The following RNLS variants were observed in gnomAD, a reference collection of about 807,000 sequenced individuals.
RNLS encodes renalase, FAD dependent amine oxidase, also known as renalase.
Under a neutral mutation model 39.8 loss-of-function variants are expected in RNLS, and 39 were observed. That is an observed-to-expected ratio of 0.98 (90% CI 0.76 to 1.28). The LOEUF is 1.28. Ranked by LOEUF, RNLS falls within the 50% of genes most tolerant of loss-of-function variation. The probability of loss-of-function intolerance (pLI) is 0.00; values close to 1 mark genes in which losing one functional copy is unlikely to be tolerated. For missense variants in RNLS, 410 were observed against 413.3 expected (o/e 0.99, Z 0.07); for synonymous variants, 147 against 150.7 (o/e 0.98, Z 0.18).
chr10:88,544,746 G>GA (rs1049994664), intron 4 of RNLS, among the ~76,000 whole-genome samples: 5 of 152,160 alleles, frequency 3.3e-5, no homozygotes, highest in African/African-American at 1.2e-4. Context: ...CACTCTAGGA[G>GA]ACACAACTTC....
chr10:88,423,219 T>C (rs963798814), intron 4 of RNLS, among the ~76,000 whole-genome samples: 1 of 152,234 alleles, frequency 6.6e-6, no homozygotes, highest in African/African-American at 2.4e-5. Flanking sequence ...GTACTGTTAA[T>C]GACCCTGACT....
chr10:88,244,121 G>A, the RNLS span, among the ~76,000 whole-genome samples: 7 of 152,248 alleles, frequency 4.6e-5, no homozygotes, highest in African/African-American at 1.7e-4. Context: ...TAGGCAAGAA[G>A]AGAGTGGGGG....
In RNLS at chr10:88,340,828, G is replaced by A. The variant is rs1297276734; in HGVS notation, c.700+21724C>T. Among the ~76,000 whole-genome samples the A allele has an allele frequency of 2.0e-5, 3 of 151,484 alleles. No individual in the cohort carries two copies. In the East Asian group the frequency reaches 5.8e-4, roughly 29 times the overall value. On this transcript the variant is annotated intron_variant, in intron 5 of 6. Coordinates refer to ENST00000331772, the MANE Select transcript of RNLS (RefSeq NM_001031709.3). ...TGTAATCCCAGCACTTTGGGAGGCC[G>A]AGGCGGGCAGATCACGAGGTCAGGA...
At chr10:88,293,227 C>A (rs1017427469) in intron 6 of RNLS, among the ~76,000 whole-genome samples, 1 of 152,108 alleles carries the variant, frequency 6.6e-6, no homozygotes, top group African/African-American at 2.4e-5. Context: ...CTGCTCATTG[C>A]GTATGTGAGG....
At chr10:88,265,288 T>A in the RNLS span, among the ~76,000 whole-genome samples, 1 of 152,024 alleles carries the variant, frequency 6.6e-6, no homozygotes, top group Non-Finnish European at 1.5e-5. Flanking sequence ...GATTTGTTCT[T>A]TTGCTTAGTC....
At chr10:88,455,278 T>C (rs1221481938) in intron 4 of RNLS, among the ~76,000 whole-genome samples, 1 of 151,912 alleles carries the variant, frequency 6.6e-6, no homozygotes, top group Non-Finnish European at 1.5e-5. Flanking sequence ...AAAAAATCAA[T>C]TGCTTTCTAG....
chr10:88,488,541 C>T (rs1189781595), intron 4 of RNLS, among the ~76,000 whole-genome samples: 7 of 111,732 alleles, frequency 6.3e-5, no homozygotes, highest in Admixed American at 1.9e-4. Flanking sequence ...AGCAGAACTC[C>T]GTCTCAAAAA....
intron 4 of RNLS, among the ~76,000 whole-genome samples, chr10:88,444,725 T>C (rs907934461): frequency 2.0e-5 from 3 of 152,142 alleles, no homozygotes; most frequent in Non-Finnish European, 4.4e-5. Flanking sequence ...GTGTCAGTGA[T>C]TGAAGATCAA....
intron 4 of RNLS, among the ~76,000 whole-genome samples, chr10:88,387,587 G>C (rs792232): frequency 1.3e-5 from 2 of 150,972 alleles, no homozygotes; most frequent in Non-Finnish European, 2.9e-5. Context: ...GCCTATTTAC[G>C]TAACTGCTTA....
the RNLS span, among the ~76,000 whole-genome samples, chr10:88,203,370 A>ATATATATATATATACACGTATGTG: frequency 4.3e-3 from 11 of 2,576 alleles, 4 homozygotes; most frequent in African/African-American, 0.025. Context: ...ATGTGTGTGT[A>ATATATATATATATACACGTATGTG]TATATATATA....
In RNLS at chr10:88,284,562, C is replaced by T; in HGVS notation, c.*792G>A. On this transcript the variant is annotated 3_prime_UTR_variant, in exon 7 of 7. Coordinates refer to ENST00000331772, the MANE Select transcript of RNLS (RefSeq NM_001031709.3). ...TTAAATTCATTAAACTCGACACAGT[C>T]TAAATGCCACAGCACATACTGGAGA... is the stretch of plus-strand genomic sequence containing the variant. 1 of 985,256 alleles carries T rather than the reference C, an allele frequency of 1.0e-6. No individual in the cohort carries two copies. Among genetic ancestry groups the T allele is most frequent in the Non-Finnish European group, 1.2e-6 (1 of 829,840 alleles). 61.0% of individuals were successfully genotyped at this position (985,256 alleles called of 1,614,324 possible).
At chr10:88,399,797 G>C (rs983592333) in intron 4 of RNLS, among the ~76,000 whole-genome samples, 4 of 152,000 alleles carry the variant, frequency 2.6e-5, no homozygotes, top group Non-Finnish European at 4.4e-5. Flanking sequence ...AGCTCCCTGT[G>C]GTTGCTACTT....
At chr10:88,230,668 T>A in the RNLS span, among the ~76,000 whole-genome samples, 2 of 152,218 alleles carry the variant, frequency 1.3e-5, no homozygotes, top group Non-Finnish European at 2.9e-5. Flanking sequence ...TCTTTATTTA[T>A]CTGTCTTAGC....
At chr10:88,189,914 T>C in the RNLS span, among the ~76,000 whole-genome samples, 2 of 152,230 alleles carry the variant, frequency 1.3e-5, no homozygotes, top group Non-Finnish European at 2.9e-5. Context: ...GTGGCCAGCA[T>C]ATTTAAAATA....
chr10:88,312,880 T>A (rs1490321439), intron 6 of RNLS, among the ~76,000 whole-genome samples: 1 of 152,054 alleles, frequency 6.6e-6, no homozygotes, highest in Non-Finnish European at 1.5e-5. Flanking sequence ...TAAATGACAA[T>A]GTTATGTTCT....
chr10:88,335,685 C>T (rs955135031), intron 5 of RNLS, among the ~76,000 whole-genome samples: 3 of 152,128 alleles, frequency 2.0e-5, no homozygotes, highest in Admixed American at 6.5e-5. Context: ...GTAGTGGTAA[C>T]GCAGATTTAA....
Position 88,572,972 on chromosome 10 carries a change from G to T in RNLS, c.457C>A (p.Gln153Lys). 1.2e-6 allele frequency: 2 copies of T among 1,614,032 alleles called. No individual in the cohort carries two copies. Among genetic ancestry groups the T allele is most frequent in the Non-Finnish European group, 1.7e-6 (2 of 1,179,934 alleles). The change falls in exon 4 of 7, where the codon CAG becomes AAG. Residue 153 changes from glutamine (Q) to lysine (K), a missense_variant. Coordinates refer to ENST00000331772, the MANE Select transcript of RNLS (RefSeq NM_001031709.3). ...EVSKQTGSPE[Q>K]FDLIVLTMPV... ...ATTGTGAGAACAATAAGATCAAACTGCTCAGGGGAGCCTGTTTGTTTGGAT... is the reference window on the plus strand; with the variant it reads ...ATTGTGAGAACAATAAGATCAAACTTCTCAGGGGAGCCTGTTTGTTTGGAT...
the RNLS span, among the ~76,000 whole-genome samples, chr10:88,193,601 A>G: frequency 1.3e-5 from 2 of 152,052 alleles, no homozygotes; most frequent in Non-Finnish European, 2.9e-5. Context: ...AATATCACAT[A>G]TGCTTCCCTG....
the RNLS span, among the ~76,000 whole-genome samples, chr10:88,246,064 T>G: frequency 2.0e-5 from 3 of 152,188 alleles, no homozygotes; most frequent in Non-Finnish European, 4.4e-5. Flanking sequence ...ATCACAGAGC[T>G]AATAGCGTGC....
Sources: gnomAD v4.1 joint callset for allele counts (sites outside exome capture counted in the v4.1 genomes callset) on GRCh38, gnomAD v4.1.1 for gene constraint, MANE v1.5 for transcripts, NCBI Gene and HGNC (gene_info 2026-07-23, HGNC 2026-07-21) for gene names.